The following DCLK1 variants were observed in gnomAD, a reference collection of about 807,000 sequenced individuals.
DCLK1 encodes the protein serine/threonine-protein kinase DCLK1.
In DCLK1, 16 loss-of-function variants were observed where a neutral mutation model predicts 86.2. That is an observed-to-expected ratio of 0.19 (90% confidence interval 0.13 to 0.28). The LOEUF (loss-of-function observed/expected upper bound fraction) is 0.28. Among genes scored for constraint, DCLK1 ranks in the 10% least tolerant of loss-of-function variants. The pLI is 1.00. For synonymous variants in DCLK1, 369 were observed against 370.5 expected, an observed-to-expected ratio of 1.00 and a Z score of 0.05; for missense variants, 590 against 940.2, an observed-to-expected ratio of 0.63 and a Z score of 4.87.
At chr13:35,864,221 A>G (rs1287685608) in intron 5 of DCLK1, among the ~76,000 whole-genome samples, 1 of 152,212 alleles carries the variant, frequency 6.6e-6, no homozygotes, top group East Asian at 1.9e-4. Flanking sequence ...ATGTCTGCTA[A>G]GGGTTCCACA....
intron 3 of DCLK1, among the ~76,000 whole-genome samples, chr13:36,110,515 G>A (rs1237769756): frequency 6.6e-6 from 1 of 152,186 alleles, no homozygotes; most frequent in Non-Finnish European, 1.5e-5. Context: ...CCTAAGGGAA[G>A]TATTCTTTCA....
At chr13:36,116,504 T>G (rs1419137742) in intron 2 of DCLK1, among the ~76,000 whole-genome samples, 1 of 152,114 alleles carries the variant, frequency 6.6e-6, no homozygotes, top group African/African-American at 2.4e-5. Context: ...GACTCTATAT[T>G]GGGGGATTCT....
chr13:35,853,023 G>A (rs530419959), intron 6 of DCLK1, among the ~76,000 whole-genome samples: 4 of 152,130 alleles, frequency 2.6e-5, no homozygotes, highest in Non-Finnish European at 4.4e-5. Context: ...ATCCAATGGC[G>A]GTCCCTATAG....
At position 35,822,724 on chromosome 13, in the gene DCLK1, C is replaced by T; in HGVS notation, c.1554+5G>A. The T allele has an allele frequency of 6.2e-7, 1 of 1,614,036 alleles. No individual in the cohort carries two copies. The highest frequency in any genetic ancestry group is 8.5e-7 in the Non-Finnish European group (1 of 1,180,004). On this transcript the variant is annotated splice_donor_5th_base_variant and intron_variant, in intron 11 of 16. Coordinates refer to ENST00000360631, the MANE Select transcript of DCLK1 (RefSeq NM_001330071.2). Reference sequence around the variant, plus strand: ...AGGATGCCCTGTAGGTGGAATTCCTCTTACCAGCAGGTTCTCTGGCTTGAT... The same window carrying T: ...AGGATGCCCTGTAGGTGGAATTCCTTTTACCAGCAGGTTCTCTGGCTTGAT...
At chr13:36,078,988 C>A (rs144574386) in intron 3 of DCLK1, among the ~76,000 whole-genome samples, 5 of 152,168 alleles carry the variant, frequency 3.3e-5, no homozygotes, top group African/African-American at 1.2e-4. Context: ...AGGAGCTCTG[C>A]AGTCAGGGAG....
chr13:35,955,705 A>G (rs1321600019), intron 3 of DCLK1, among the ~76,000 whole-genome samples: 1 of 152,112 alleles, frequency 6.6e-6, no homozygotes, highest in Non-Finnish European at 1.5e-5. Context: ...GTTTCCTCAT[A>G]TGTAAAATGG....
intron 6 of DCLK1, among the ~76,000 whole-genome samples, chr13:35,845,093 C>T (rs533227165): frequency 2.0e-5 from 3 of 152,210 alleles, no homozygotes. Flanking sequence ...ACTAAAAATA[C>T]AAAAATTAGC....
Position 36,125,785 on chromosome 13 carries a change from G to A in DCLK1, c.353C>T (p.Ser118Phe). 1 of 1,613,884 alleles carries A rather than the reference G, an allele frequency of 6.2e-7. No homozygotes were observed. The highest frequency in any genetic ancestry group is 1.7e-5 in the Admixed American group (1 of 60,026). The change falls in exon 2 of 17, where the codon TCC becomes TTC. Residue 118 changes from serine to phenylalanine, a missense_variant. Physicochemically the swap from Ser to Phe is radical, Grantham distance 155 (BLOSUM62 -2). This residue lies in a region of DCLK1 where 195 missense variants were observed against 365.1 expected (regional missense o/e 0.53). Transcript: ENST00000360631. The stretch of plus-strand genomic sequence containing the variant: ...ACCTTCCACCAGTTGGTCCAGGCTG[G>A]AAATCTTCTTGAGCCCATCAATGGT... ...IYTIDGLKKI[S>F]SLDQLVEGES...
chr13:36,034,325 A>C (rs1882406955), intron 3 of DCLK1, among the ~76,000 whole-genome samples: 1 of 152,224 alleles, frequency 6.6e-6, no homozygotes, highest in South Asian at 2.1e-4. Context: ...TATCAATTAA[A>C]ATTAACATTT....
chr13:36,110,997 AT>A (rs897133655), intron 3 of DCLK1, among the ~76,000 whole-genome samples: 135 of 146,248 alleles, frequency 9.2e-4, no homozygotes, highest in Middle Eastern at 3.5e-3. Context: ...CACCCAGGTA[AT>A]TTTTTTTTTT....
intron 3 of DCLK1, among the ~76,000 whole-genome samples, chr13:35,983,992 C>T (rs1346671764): frequency 6.6e-6 from 1 of 152,162 alleles, no homozygotes; most frequent in African/African-American, 2.4e-5. Context: ...ACTGCTCAAC[C>T]ACTTTGAGCC....
At chr13:35,794,188 G>A (rs549012358) in intron 15 of DCLK1, among the ~76,000 whole-genome samples, 1 of 152,292 alleles carries the variant, frequency 6.6e-6, no homozygotes, top group Admixed American at 6.5e-5. Flanking sequence ...AGGGTCATAA[G>A]TATGTGCCAC....
intron 3 of DCLK1, among the ~76,000 whole-genome samples, chr13:36,029,823 C>T (rs1214478099): frequency 6.6e-6 from 1 of 152,206 alleles, no homozygotes; most frequent in Non-Finnish European, 1.5e-5. Flanking sequence ...GTGATACCTA[C>T]ATTCCATTTC....
intron 6 of DCLK1, 65 bp downstream of exon 6, chr13:35,854,434 C>A: frequency 7.5e-7 from 1 of 1,337,152 alleles, no homozygotes; most frequent in South Asian, 1.6e-5. Flanking sequence ...GATTTGCTGG[C>A]ACCTGTACCT....
Position 35,838,977 on chromosome 13 carries a change from T to C in DCLK1, c.1120+115A>G. Reference sequence around the variant, plus strand: ...AACCCTATCCCCTTGTGATTGACCCTCAGGAGCTGCTCAGCCTTGTCCATG... The same window carrying C: ...AACCCTATCCCCTTGTGATTGACCCCCAGGAGCTGCTCAGCCTTGTCCATG... On this transcript the variant is annotated intron_variant, in intron 7 of 16. Transcript: ENST00000360631. 6.5e-6 allele frequency: 6 copies of C among 919,262 alleles called. No individual in the cohort carries two copies. The South Asian group carries it at 7.9e-5, about 12-fold the overall frequency. The allele number at this position is 919,262 out of a possible 1,614,324, so 56.9% of individuals were successfully genotyped here.
chr13:35,970,401 T>C (rs1160341360), intron 3 of DCLK1, among the ~76,000 whole-genome samples: 16 of 152,216 alleles, frequency 1.1e-4, no homozygotes, highest in Admixed American at 1.0e-3. Context: ...ATAAAAATGG[T>C]TAATCCTACT....
At chr13:35,882,982 T>C (rs543691530) in intron 4 of DCLK1, among the ~76,000 whole-genome samples, 7 of 152,084 alleles carry the variant, frequency 4.6e-5, no homozygotes, top group East Asian at 3.9e-4. Context: ...TTTCTCTATA[T>C]TGGTGGTCAG....
rs1231013505 is a variant in DCLK1 at position 36,059,296 on chromosome 13, C to T, written c.723+52573G>A. ...TTTTCAATTCCCTACAGTACTGCTC[C>T]ACTTTCTCATCCATTACCTCCTTCA... On this transcript the variant is annotated intron_variant, in intron 3 of 16. Coordinates refer to ENST00000360631, the MANE Select transcript of DCLK1 (RefSeq NM_001330071.2). 2.0e-5 allele frequency among the ~76,000 whole-genome samples: 3 copies of T among 152,178 alleles called. No individual in the cohort carries two copies. The East Asian group carries it at 5.8e-4, about 29-fold the overall frequency.
At chr13:35,951,733 C>A (rs967885478) in intron 3 of DCLK1, among the ~76,000 whole-genome samples, 2 of 152,048 alleles carry the variant, frequency 1.3e-5, no homozygotes, top group Non-Finnish European at 2.9e-5. Flanking sequence ...CCGAGAGTGA[C>A]TTACATTACC....
Sources: gnomAD v4.1 joint callset for allele counts (sites outside exome capture counted in the v4.1 genomes callset) on GRCh38, gnomAD v4.1.1 for gene constraint, gnomAD v4.1.1 regional missense constraint, MANE v1.5 for transcripts, NCBI Gene and HGNC (gene_info 2026-07-23, HGNC 2026-07-21) for gene names.